Variants in DCC observed in about 807,000 individuals in gnomAD.
DCC encodes netrin receptor DCC.
DCC carries 58 observed loss-of-function variants against 172.5 expected under a neutral mutation model. The ratio of observed to expected loss-of-function variants is 0.34; its 90% confidence interval spans 0.27 to 0.42. DCC has a LOEUF of 0.42. DCC is among the 10% of genes least tolerant of loss of function. The pLI, the probability that DCC is intolerant of heterozygous loss-of-function variation, is 1.00. For missense variants in DCC, 1,740 were observed against 1,791.0 expected (o/e 0.97, Z 0.51); for synonymous variants, 709 against 644.5 (o/e 1.10, Z -1.52).
intron 5 of DCC, among the ~76,000 whole-genome samples, chr18:53,022,335 C>T (rs368877776): frequency 1.1e-4 from 16 of 151,580 alleles, no homozygotes; most frequent in South Asian, 6.3e-4. Context: ...GGAGTTGGGC[C>T]GGTTGTGTTA....
chr18:52,927,126 C>T (rs199946448), intron 5 of DCC, among the ~76,000 whole-genome samples: 64,394 of 76,494 alleles, frequency 0.84, 27,532 homozygotes, highest in Non-Finnish European at 0.92. Context: ...CGTGTATATA[C>T]ACGTATATAC....
chr18:52,581,119 T>C (rs931892738), intron 1 of DCC, among the ~76,000 whole-genome samples: 2 of 149,562 alleles, frequency 1.3e-5, no homozygotes, highest in Admixed American at 1.3e-4. Flanking sequence ...GATATAAATA[T>C]AGACAGATAA....
At chr18:53,279,835 C>A (rs373458072) in intron 12 of DCC, among the ~76,000 whole-genome samples, 26 of 151,946 alleles carry the variant, frequency 1.7e-4, no homozygotes, top group African/African-American at 6.0e-4. Flanking sequence ...AACGCAGGAA[C>A]AGAAAACCAA....
chr18:53,287,040 C>T (rs1325584522), intron 12 of DCC, among the ~76,000 whole-genome samples: 1 of 151,894 alleles, frequency 6.6e-6, no homozygotes, highest in Non-Finnish European at 1.5e-5. Context: ...ACACACCATA[C>T]CATTTTCCCA....
chr18:53,007,058 C>A (rs2041657316), intron 5 of DCC, among the ~76,000 whole-genome samples: 2 of 152,130 alleles, frequency 1.3e-5, no homozygotes, highest in South Asian at 4.1e-4. Flanking sequence ...ATTTAAAAAA[C>A]AAATGAACAA....
chr18:52,857,713 T>C (rs918995235), intron 2 of DCC, among the ~76,000 whole-genome samples: 1 of 152,262 alleles, frequency 6.6e-6, no homozygotes, highest in Middle Eastern at 3.4e-3. Flanking sequence ...TTAAACACCA[T>C]ATTGGCCAAC....
intron 5 of DCC, among the ~76,000 whole-genome samples, chr18:53,009,986 A>G (rs187323347): frequency 6.6e-6 from 1 of 152,106 alleles, no homozygotes; most frequent in East Asian, 1.9e-4. Flanking sequence ...CATGTGACAG[A>G]TGTTTTTAAA....
At chr18:53,100,794 T>C (rs2043161349) in intron 7 of DCC, among the ~76,000 whole-genome samples, 1 of 151,996 alleles carries the variant, frequency 6.6e-6, no homozygotes, top group Non-Finnish European at 1.5e-5. Flanking sequence ...AATAACCTAA[T>C]TCTAATAGCT....
chr18:53,378,432 G>A (rs573589299), intron 15 of DCC, among the ~76,000 whole-genome samples: 1 of 152,108 alleles, frequency 6.6e-6, no homozygotes, highest in Middle Eastern at 3.2e-3. Flanking sequence ...TGAACAAATG[G>A]AAGGATGAAG....
At chr18:52,636,756 G>A (rs2034788211) in intron 1 of DCC, among the ~76,000 whole-genome samples, 1 of 152,162 alleles carries the variant, frequency 6.6e-6, no homozygotes, top group East Asian at 1.9e-4. Context: ...GGAAGACAAA[G>A]GGCATATAAT....
intron 8 of DCC, among the ~76,000 whole-genome samples, chr18:53,175,750 G>A (rs1410636276): frequency 6.6e-6 from 1 of 151,976 alleles, no homozygotes; most frequent in African/African-American, 2.4e-5. Flanking sequence ...TGGCCATACT[G>A]CCCAAGGTAA....
intron 2 of DCC, among the ~76,000 whole-genome samples, chr18:52,802,068 A>G (rs1479799494): frequency 6.6e-6 from 1 of 151,430 alleles, no homozygotes; most frequent in Non-Finnish European, 1.5e-5. Flanking sequence ...GTAACACAGT[A>G]TTACTGCTCT....
At chr18:52,932,613 T>TA (rs1280383563) in intron 5 of DCC, among the ~76,000 whole-genome samples, 2 of 152,100 alleles carry the variant, frequency 1.3e-5, no homozygotes, top group African/African-American at 2.4e-5. Context: ...AGCAGTTGTG[T>TA]AGCAACACAA....
chr18:52,654,278 G>A (rs2035202032), intron 1 of DCC, among the ~76,000 whole-genome samples: 1 of 152,058 alleles, frequency 6.6e-6, no homozygotes, highest in African/African-American at 2.4e-5. Flanking sequence ...GAGGGTGGGG[G>A]GCTAATACAA....
At chr18:52,436,803 CCT>C (rs1987810816) in intron 1 of DCC, among the ~76,000 whole-genome samples, 1 of 152,082 alleles carries the variant, frequency 6.6e-6, no homozygotes, top group South Asian at 2.1e-4. Context: ...ACCAGTAGTC[CCT>C]GCTACTCAGG....
At chr18:52,356,684 C>A (rs1984377868) in intron 1 of DCC, among the ~76,000 whole-genome samples, 1 of 152,080 alleles carries the variant, frequency 6.6e-6, no homozygotes, top group African/African-American at 2.4e-5. Context: ...GGCAAAATGG[C>A]TAAGTTATCT....
intron 8 of DCC, among the ~76,000 whole-genome samples, chr18:53,171,163 G>A (rs921104932): frequency 3.3e-5 from 5 of 152,160 alleles, no homozygotes; most frequent in African/African-American, 1.2e-4. Context: ...GGGATTACAG[G>A]TGTGAGCCAC....
chr18:53,115,938 A>T (rs866177207), intron 7 of DCC, among the ~76,000 whole-genome samples: 2 of 151,514 alleles, frequency 1.3e-5, no homozygotes, highest in Admixed American at 1.3e-4. Context: ...TGGACCAGGG[A>T]CAAATCCTTA....
At chr18:52,512,527 A>T (rs4940187) in intron 1 of DCC, among the ~76,000 whole-genome samples, 13,241 of 152,232 alleles carry the variant, frequency 0.087, 883 homozygotes, top group African/African-American at 0.16. Flanking sequence ...AAATTTGATA[A>T]TGGATGTTCT....
Sources: allele counts gnomAD v4.1 joint callset (sites outside exome capture counted in the v4.1 genomes callset), GRCh38; gene constraint gnomAD v4.1.1; transcripts MANE v1.5; gene names NCBI Gene and HGNC (gene_info 2026-07-23, HGNC 2026-07-21).